GLS: variants seen among roughly 807,000 people sequenced by gnomAD.
The protein encoded by GLS is glutaminase, also known as glutaminase kidney isoform, mitochondrial.
In GLS, 36 loss-of-function variants were observed where a neutral mutation model predicts 86.7. The ratio of observed to expected loss-of-function variants is 0.42; its 90% CI spans 0.32 to 0.55. GLS has a LOEUF of 0.55. GLS is among the 20% of genes least tolerant of loss of function. GLS has a pLI of 0.17. For missense variants in GLS, 528 were observed against 833.4 expected (o/e 0.63, Z 4.51); for synonymous variants, 317 against 305.9 (o/e 1.04, Z -0.38).
chr2:190,909,151 G>A lies in GLS; in HGVS notation c.980-1112G>A, dbSNP rs367707107. On this transcript the variant is annotated intron_variant, in intron 6 of 17. Coordinates refer to ENST00000320717, the MANE Select transcript of GLS (RefSeq NM_014905.5). Reference sequence around the variant, plus strand: ...ATTTTATTTTAACTTTTGAAACTTGGCATTATGAATACACCCAAAATGTAG... The same window carrying A: ...ATTTTATTTTAACTTTTGAAACTTGACATTATGAATACACCCAAAATGTAG... Among the ~76,000 whole-genome samples the A allele has an allele frequency of 3.0e-3, 454 of 151,916 alleles. 8 individuals are homozygous for A. Among genetic ancestry groups the A allele is most frequent in the African/African-American group, 0.01 (423 of 41,422 alleles).
intron 6 of GLS, among the ~76,000 whole-genome samples, chr2:190,907,923 C>T (rs114259964): frequency 3.1e-3 from 476 of 152,158 alleles, no homozygotes; most frequent in African/African-American, 0.01. Flanking sequence ...TGACAGGTGC[C>T]AAAATGTATG....
At chr2:190,882,155 G>A (rs1355668511) in intron 1 of GLS, 1 of 152,194 alleles carries the variant, frequency 6.6e-6, no homozygotes, top group Non-Finnish European at 1.5e-5. Context: ...GTTTGCATAA[G>A]GGACCAGCTT....
intron 14 of GLS, chr2:190,934,048 T>G: frequency 1.0e-6 from 1 of 972,402 alleles, no homozygotes; most frequent in Non-Finnish European, 1.2e-6. Flanking sequence ...TAAAATTCTG[T>G]AGGACCTATT....
rs959668734 is a variant in GLS at position 190,951,082 on chromosome 2, T to G, written c.1651-2483T>G. Among the ~76,000 whole-genome samples the G allele has an allele frequency of 2.0e-5, 3 of 152,128 alleles. No individual in the cohort carries two copies. The highest frequency in any genetic ancestry group is 7.2e-5 in the African/African-American group (3 of 41,426). ...AAGTCAGTGTGCCCAGAGGAATAGA[T>G]GAATTCTTTGAGGGACATTATATTG... On this transcript the variant is annotated intron_variant, in intron 14 of 17. Transcript: ENST00000320717. This position sits in a 1 kb window ranked among gnomAD's most constrained non-coding sequence, Gnocchi z 4.2.
At position 190,964,650 on chromosome 2, in the gene GLS, T is replaced by G. The variant is rs944203048; in HGVS notation, c.*1664T>G. The G allele has an allele frequency of 6.6e-6, 1 of 152,166 alleles. No homozygotes were observed. Among genetic ancestry groups the G allele is most frequent in the African/African-American group, 2.4e-5 (1 of 41,470 alleles). The allele number at this position is 152,166 out of a possible 1,614,324, so 9.4% of individuals were successfully genotyped here. A position where few individuals can be genotyped will look rare whatever the true frequency, so the allele number is the denominator to read the frequency against. On this transcript the variant is annotated 3_prime_UTR_variant, in exon 18 of 18. Transcript: ENST00000320717. This position sits in a 1 kb window ranked among gnomAD's most constrained non-coding sequence, Gnocchi z 5.2. ...CCCGAAGCTGTTCCCATGCTTGAGCTTCCATGGGGAGGATGCTGAGTGAGC... is the reference window on the plus strand; with the variant it reads ...CCCGAAGCTGTTCCCATGCTTGAGCGTCCATGGGGAGGATGCTGAGTGAGC...
intron 12 of GLS, chr2:190,927,693 C>G: frequency 2.3e-6 from 1 of 433,880 alleles, no homozygotes; most frequent in Non-Finnish European, 4.1e-6. Flanking sequence ...TTTATAGAAC[C>G]TCATCCCTTC....
intron 7 of GLS, among the ~76,000 whole-genome samples, chr2:190,915,364 GT>G: frequency 6.6e-6 from 1 of 152,060 alleles, no homozygotes; most frequent in Non-Finnish European, 1.5e-5. Context: ...ATATGGGTTT[GT>G]TTTTTAAAAA....
In GLS at chr2:190,947,125, A is replaced by T. The variant is rs552652210; in HGVS notation, c.1651-6440A>T. ...TAATTCTAATAATTGCTACTTACTC[A>T]TAAGTACAGAATTATTAGGGCATTT... On this transcript the variant is annotated intron_variant, in intron 14 of 17. Coordinates refer to ENST00000320717, the MANE Select transcript of GLS (RefSeq NM_014905.5). This position sits in a 1 kb window ranked among gnomAD's most constrained non-coding sequence, Gnocchi z 5.0. Among the ~76,000 whole-genome samples, 2 of 152,212 alleles carry T rather than the reference A, an allele frequency of 1.3e-5. No homozygotes were observed. Among genetic ancestry groups the T allele is most frequent in the South Asian group, 4.1e-4 (2 of 4,834 alleles).
In GLS at chr2:190,934,483, A is replaced by G. The variant is rs1048473006; in HGVS notation, c.1650+2846A>G. The G allele has an allele frequency of 5.1e-6, 5 of 979,890 alleles. No homozygotes were observed. The African/African-American group carries it at 8.8e-5, about 17-fold the overall frequency. 60.7% of individuals were successfully genotyped at this position (979,890 alleles called of 1,614,324 possible). A position where few individuals can be genotyped will look rare whatever the true frequency, so the allele number is the denominator to read the frequency against. On this transcript the variant is annotated intron_variant, in intron 14 of 17. Transcript: ENST00000320717. ...GAATGTTCTTTGAATGTTCAGATGCATATCCTAACTGGATGCTTCTCAAGG... is the reference window on the plus strand; with the variant it reads ...GAATGTTCTTTGAATGTTCAGATGCGTATCCTAACTGGATGCTTCTCAAGG...
chr2:190,906,915 T>C (rs1477654578), intron 6 of GLS, among the ~76,000 whole-genome samples: 2 of 151,602 alleles, frequency 1.3e-5, no homozygotes, highest in Non-Finnish European at 2.9e-5. Context: ...ATATGGTAAA[T>C]AGAGAAATTG....
At chr2:190,916,821 A>G (rs1422585281) in intron 7 of GLS, among the ~76,000 whole-genome samples, 2 of 152,186 alleles carry the variant, frequency 1.3e-5, no homozygotes, top group East Asian at 3.8e-4. Context: ...TGTTTATACT[A>G]TAGTAAGTGT....
intron 14 of GLS, among the ~76,000 whole-genome samples, chr2:190,939,690 C>A (rs1216110677): frequency 6.6e-6 from 1 of 151,562 alleles, no homozygotes; most frequent in Non-Finnish European, 1.5e-5. Context: ...TTTCACAAAT[C>A]ATCACAAAAG....
Position 190,954,849 on chromosome 2 carries a change from C to G in GLS, c.1853+31C>G. 1 of 1,395,400 alleles carries G rather than the reference C, an allele frequency of 7.2e-7. No individual in the cohort carries two copies. Among genetic ancestry groups the G allele is most frequent in the Non-Finnish European group, 1.0e-6 (1 of 997,810 alleles). The allele number at this position is 1,395,400 out of a possible 1,614,324, so 86.4% of individuals were successfully genotyped here. The stretch of plus-strand genomic sequence containing the variant: ...CACTTATGTTACCTTCTAAATATGT[C>G]AGTATTTTATTATGCAGGACTGTAA... On this transcript the variant is annotated intron_variant, in intron 17 of 17. Transcript: ENST00000320717. This position sits in a 1 kb window ranked among gnomAD's most constrained non-coding sequence, Gnocchi z 4.0.
Position 190,913,841 on chromosome 2 carries a change from C to A in GLS, c.1038+3520C>A. ...TTAGAGACAAGGTCTCTCTCTGTTG[C>A]CCAGTCTAAGTGCAGTGGTACAGTC... is the stretch of plus-strand genomic sequence containing the variant. On this transcript the variant is annotated intron_variant, in intron 7 of 17. Transcript: ENST00000320717. The surrounding 1 kb of genome is among the most constrained non-coding windows in gnomAD (Gnocchi z 6.1). 1 of 567,668 alleles carries A rather than the reference C, an allele frequency of 1.8e-6. No individual in the cohort carries two copies. Among genetic ancestry groups the A allele is most frequent in the Non-Finnish European group, 2.2e-6 (1 of 448,598 alleles). The allele number at this position is 567,668 out of a possible 1,614,324, so 35.2% of individuals were successfully genotyped here.
rs1158276584 is a variant in GLS at position 190,913,796 on chromosome 2, AGTTTTTT to A, written c.1038+3490_1038+3496del. ...TGTCTTCTATGTTTTTACCTCTCAG[AGTTTTTT>A]GTTTTTTGTTTTTTAGAGACAAGGT... is the stretch of plus-strand genomic sequence containing the variant. On this transcript the variant is annotated intron_variant, in intron 7 of 17. Coordinates refer to ENST00000320717, the MANE Select transcript of GLS (RefSeq NM_014905.5). This position sits in a 1 kb window ranked among gnomAD's most constrained non-coding sequence, Gnocchi z 6.1. 1.4e-5 allele frequency: 13 copies of A among 953,602 alleles called. No homozygotes were observed. Among genetic ancestry groups the A allele is most frequent in the South Asian group, 9.7e-5 (2 of 20,644 alleles). 59.1% of individuals were successfully genotyped at this position (953,602 alleles called of 1,614,324 possible). A position where few individuals can be genotyped will look rare whatever the true frequency, so the allele number is the denominator to read the frequency against.
In GLS at chr2:190,880,903, G is replaced by GCAC. The variant is rs1688120625; in HGVS notation, c.-180_-179insCCA. ...AGCAGCAGCAGCAGCAGCAGCAGCA[G>GCAC]CAGCAGCAGCAGCAGCACCCGCATC... On this transcript the variant is annotated 5_prime_UTR_variant, in exon 1 of 18. Transcript: ENST00000320717. 80 of 785,676 alleles carry GCAC rather than the reference G, an allele frequency of 1.0e-4. 5 individuals are homozygous for GCAC. The South Asian group carries it at 1.2e-3, about 11-fold the overall frequency. 48.7% of individuals were successfully genotyped at this position (785,676 alleles called of 1,614,324 possible). A position where few individuals can be genotyped will look rare whatever the true frequency, so the allele number is the denominator to read the frequency against.
chr2:190,929,003 T>C (rs939970033), intron 12 of GLS, among the ~76,000 whole-genome samples: 11 of 150,670 alleles, frequency 7.3e-5, no homozygotes, highest in African/African-American at 2.4e-4. Context: ...TTATTTATTT[T>C]GAGACAGAGT....
rs113464725 is a variant in GLS, at chr2:190,934,669, T to A, written c.1650+3032T>A. On this transcript the variant is annotated intron_variant, in intron 14 of 17. Transcript: ENST00000320717. ...CATTCCGAAGTTGGTTTTACTTTAT[T>A]AAATGAAGATTTAGTTTTCATATCG... 3,455 of 978,542 alleles carry A rather than the reference T, an allele frequency of 3.5e-3. 76 individuals are homozygous for A. The African/African-American group carries it at 0.05, about 14-fold the overall frequency. The allele number at this position is 978,542 out of a possible 1,614,324, so 60.6% of individuals were successfully genotyped here.
In GLS at chr2:190,904,803, A is replaced by G. The variant is rs181433616; in HGVS notation, c.816-201A>G. ...GAGTGTCCATGGAGTTTGGTATCAC[A>G]GGGATTCCTGGAATCCACCTCCCAC... On this transcript the variant is annotated intron_variant, in intron 5 of 17. Coordinates refer to ENST00000320717, the MANE Select transcript of GLS (RefSeq NM_014905.5). 3.0e-3 allele frequency among the ~76,000 whole-genome samples: 455 copies of G among 152,266 alleles called. 8 individuals carry two copies. The highest frequency in any genetic ancestry group is 0.01 in the African/African-American group (423 of 41,570).
Sources: gnomAD v4.1 joint callset for allele counts (sites outside exome capture counted in the v4.1 genomes callset) on GRCh38, gnomAD v4.1.1 for gene constraint, Gnocchi (gnomAD v3.1) non-coding constraint, MANE v1.5 for transcripts, NCBI Gene and HGNC (gene_info 2026-07-23, HGNC 2026-07-21) for gene names.